Variants in LGR4 observed in about 807,000 individuals in gnomAD.
LGR4 encodes the protein leucine rich repeat containing G protein-coupled receptor 4, also known as leucine-rich repeat-containing G protein-coupled receptor 4.
Under a neutral mutation model 84.8 loss-of-function variants are expected in LGR4, and 44 were observed. The ratio of observed to expected loss-of-function variants is 0.52; its 90% CI spans 0.41 to 0.67. The LOEUF (loss-of-function observed/expected upper bound fraction) is 0.67. Among genes scored for constraint, LGR4 ranks in the 30% least tolerant of loss-of-function variants. LGR4 has a pLI of 0.00. For synonymous variants in LGR4, 429 were observed against 434.3 expected (o/e 0.99, Z 0.15); for missense variants, 1,032 against 1,131.4 (o/e 0.91, Z 1.26).
chr11:27,456,339 T>A (rs763170466), intron 1 of LGR4, among the ~76,000 whole-genome samples: 50 of 152,040 alleles, frequency 3.3e-4, no homozygotes, highest in Admixed American at 2.4e-3. Flanking sequence ...TCGAGTCAAC[T>A]AAAGAGTACC....
At chr11:27,428,552 T>A (rs1296515966) in intron 1 of LGR4, among the ~76,000 whole-genome samples, 1 of 152,158 alleles carries the variant, frequency 6.6e-6, no homozygotes, top group Non-Finnish European at 1.5e-5. Context: ...CTTGGAAGTA[T>A]AAAAAAGTGA....
At chr11:27,387,165 G>A (rs1863202282) in intron 4 of LGR4, among the ~76,000 whole-genome samples, 1 of 152,168 alleles carries the variant, frequency 6.6e-6, no homozygotes, top group African/African-American at 2.4e-5. Context: ...TATACTTGTA[G>A]ATAATTACCT....
intron 1 of LGR4, among the ~76,000 whole-genome samples, chr11:27,430,901 C>T (rs1200244534): frequency 2.0e-5 from 3 of 151,642 alleles, no homozygotes; most frequent in Non-Finnish European, 2.9e-5. Context: ...ACTCCCAGCT[C>T]CCCCAACCCC....
intron 1 of LGR4, among the ~76,000 whole-genome samples, chr11:27,415,766 T>G (rs1486809701): frequency 6.6e-6 from 1 of 152,068 alleles, no homozygotes; most frequent in African/African-American, 2.4e-5. Flanking sequence ...AGATGTTATC[T>G]CCGGAGAAGC....
intron 1 of LGR4, among the ~76,000 whole-genome samples, chr11:27,462,341 C>G (rs1479315148): frequency 6.6e-6 from 1 of 152,118 alleles, no homozygotes; most frequent in African/African-American, 2.4e-5. Flanking sequence ...TCACAGAGAC[C>G]CAGGCAAAAA....
chr11:27,423,128 C>A (rs1863953478), intron 1 of LGR4, among the ~76,000 whole-genome samples: 1 of 152,178 alleles, frequency 6.6e-6, no homozygotes, highest in Admixed American at 6.5e-5. Flanking sequence ...AACCTACACT[C>A]CAGTAAATCC....
intron 1 of LGR4, among the ~76,000 whole-genome samples, chr11:27,460,645 A>T (rs1029728979): frequency 2.6e-5 from 4 of 152,244 alleles, no homozygotes; most frequent in Non-Finnish European, 5.9e-5. Context: ...GATTACTAAC[A>T]GCAGAGCCTG....
rs781502621 is a variant in LGR4 at position 27,385,366 on chromosome 11, C to A, written c.504G>T (p.Val168=). 1 of 1,612,362 alleles carries A rather than the reference C, an allele frequency of 6.2e-7. No individual in the cohort carries two copies. Among genetic ancestry groups the A allele is most frequent in the Non-Finnish European group, 8.5e-7 (1 of 1,179,438 alleles). The stretch of plus-strand genomic sequence containing the variant: ...GCAGATTGCTGAGGGGGTGCACAGG[C>A]ACCTCCGTCAAGCTGTTGTCATCCA... ...LWLDDNSLTE[V]PVHPLSNLPT... Residue 168 remains valine, a synonymous_variant, in exon 5 of 18, where the codon GTG becomes GTT. Transcript: ENST00000379214.
intron 1 of LGR4, among the ~76,000 whole-genome samples, chr11:27,459,517 C>T (rs1864641207): frequency 6.6e-6 from 1 of 151,454 alleles, no homozygotes; most frequent in African/African-American, 2.4e-5. Context: ...TGCTCCGTCA[C>T]CCAGGCTAGA....
chr11:27,398,424 T>C (rs1376194817), intron 2 of LGR4, among the ~76,000 whole-genome samples: 1 of 152,180 alleles, frequency 6.6e-6, no homozygotes, highest in Non-Finnish European at 1.5e-5. Context: ...TGATGGGACT[T>C]AGGTTTCTTG....
intron 2 of LGR4, among the ~76,000 whole-genome samples, chr11:27,394,048 T>C (rs1479148901): frequency 6.8e-6 from 1 of 147,474 alleles, no homozygotes; most frequent in African/African-American, 2.5e-5. Flanking sequence ...AGAATAACAA[T>C]GCCGGATTCT....
At position 27,467,064 on chromosome 11, in the gene LGR4, G is replaced by A. The variant is rs371903789; in HGVS notation, c.185+5054C>T. On this transcript the variant is annotated intron_variant, in intron 1 of 17. Coordinates refer to ENST00000379214, the MANE Select transcript of LGR4 (RefSeq NM_018490.5). ...GCCTCCCAAAGTGTTGGGATTACAG[G>A]TGTGAGCCACCACACCTGGCCTCAA... is the stretch of plus-strand genomic sequence containing the variant. 1.9e-3 allele frequency among the ~76,000 whole-genome samples: 290 copies of A among 151,964 alleles called. 1 individual carries two copies. The highest frequency in any genetic ancestry group is 5.5e-3 in the African/African-American group (228 of 41,448).
intron 2 of LGR4, among the ~76,000 whole-genome samples, chr11:27,411,121 A>G (rs1236699870): frequency 2.0e-5 from 3 of 152,080 alleles, no homozygotes; most frequent in African/African-American, 7.2e-5. Flanking sequence ...GGCCTGGTAC[A>G]TTACCCATCC....
intron 1 of LGR4, among the ~76,000 whole-genome samples, chr11:27,428,477 G>T (rs1864062676): frequency 6.6e-6 from 1 of 152,204 alleles, no homozygotes; most frequent in Non-Finnish European, 1.5e-5. Context: ...GATTATGTTA[G>T]TATCTTGTGA....
At chr11:27,451,083 C>G (rs141849406) in intron 1 of LGR4, among the ~76,000 whole-genome samples, 6 of 152,276 alleles carry the variant, frequency 3.9e-5, no homozygotes, top group African/African-American at 1.2e-4. Context: ...TTAGTATTCA[C>G]AACTAAATGA....
chr11:27,409,197 C>T (rs185184306), intron 2 of LGR4, among the ~76,000 whole-genome samples: 2 of 152,164 alleles, frequency 1.3e-5, no homozygotes, highest in East Asian at 3.9e-4. Flanking sequence ...AAATACATAT[C>T]ACTCACAGTG....
chr11:27,413,618 T>C (rs1863752935), intron 1 of LGR4, among the ~76,000 whole-genome samples: 1 of 152,126 alleles, frequency 6.6e-6, no homozygotes, highest in Non-Finnish European at 1.5e-5. Flanking sequence ...AACAGCCCCA[T>C]AAGGGAAAGT....
intron 1 of LGR4, among the ~76,000 whole-genome samples, chr11:27,464,519 T>C (rs1864741804): frequency 6.6e-6 from 1 of 152,158 alleles, no homozygotes; most frequent in Admixed American, 6.5e-5. Context: ...ATAAAACTCT[T>C]TAGGGGAGTT....
intron 4 of LGR4, among the ~76,000 whole-genome samples, chr11:27,388,465 T>A (rs1404761856): frequency 2.0e-5 from 3 of 152,282 alleles, no homozygotes; most frequent in African/African-American, 7.2e-5. Flanking sequence ...TTAAACTCCA[T>A]GTGGTAAGAG....
Sources: gnomAD v4.1 joint callset for allele counts (sites outside exome capture counted in the v4.1 genomes callset) on GRCh38, gnomAD v4.1.1 for gene constraint, MANE v1.5 for transcripts, NCBI Gene and HGNC (gene_info 2026-07-23, HGNC 2026-07-21) for gene names.